Variants in NRBP1 observed in about 807,000 individuals in gnomAD.
The protein encoded by NRBP1 is nuclear receptor-binding protein.
NRBP1 carries 10 observed loss-of-function variants against 76.0 expected under a neutral mutation model. That is an observed-to-expected ratio of 0.13 (90% confidence interval 0.08 to 0.22). The LOEUF (loss-of-function observed/expected upper bound fraction) is 0.22, where lower values mean the gene tolerates loss of function less well. Ranked by LOEUF, NRBP1 falls within the 10% of genes least tolerant of loss-of-function variation. NRBP1 has a pLI of 1.00. For synonymous variants in NRBP1, 235 were observed against 240.2 expected (o/e 0.98, Z 0.20); for missense variants, 344 against 646.0 (o/e 0.53, Z 5.07).
chr2:27,434,940 G>C (rs976361668), intron 6 of NRBP1, 178 bp downstream of exon 6: 27 of 681,188 alleles, frequency 4.0e-5, no homozygotes, highest in Non-Finnish European at 6.8e-5. Flanking sequence ...CCCTAACCAC[G>C]ACACTTATCT....
intron 7 of NRBP1, chr2:27,435,874 T>C (rs1664287754): frequency 2.9e-6 from 2 of 698,770 alleles, no homozygotes; most frequent in Non-Finnish European, 5.3e-6. Context: ...TTATGCCTGC[T>C]TAGCTTCTGC....
At chr2:27,434,977 C>T (rs533780400) in intron 6 of NRBP1, 156 bp from the exon 7 acceptor site, 2 of 659,694 alleles carry the variant, frequency 3.0e-6, no homozygotes, top group South Asian at 3.7e-5. Flanking sequence ...AGTGCTTATC[C>T]AGCTATTTAA....
chr2:27,436,929 G>C (rs1394713304), intron 8 of NRBP1, 93 bp downstream of exon 8: 1 of 1,450,494 alleles, frequency 6.9e-7, no homozygotes, highest in African/African-American at 1.4e-5. Flanking sequence ...GAAACTTCTA[G>C]GCCTTCTCTA....
chr2:27,431,353 ACT>A (rs1664108931), intron 1 of NRBP1, among the ~76,000 whole-genome samples: 1 of 152,156 alleles, frequency 6.6e-6, no homozygotes, highest in African/African-American at 2.4e-5. Flanking sequence ...GAGAATGGAA[ACT>A]TCAGAGCCTT....
intron 1 of NRBP1, among the ~76,000 whole-genome samples, chr2:27,431,390 C>T (rs1401305527): frequency 1.3e-5 from 2 of 152,172 alleles, no homozygotes; most frequent in African/African-American, 4.8e-5. Flanking sequence ...GAAATGAAAG[C>T]TGGAAGCTTA....
chr2:27,433,450 G>A lies in NRBP1; in HGVS notation c.177G>A (p.Ser59=), dbSNP rs201636816. ...SEDESEILEE[S]PCGRWQKRRE... ...ATGAGTCTGAGATTTTGGAAGAGTC[G>A]CCCTGTGGGCGCTGGCAGAAGAGGC... Residue 59 remains serine, a synonymous_variant, in exon 2 of 18, where the codon TCG becomes TCA. Coordinates refer to ENST00000379852, the MANE Select transcript of NRBP1 (RefSeq NM_013392.4). 6.2e-5 allele frequency: 100 copies of A among 1,614,240 alleles called. No homozygotes were observed. Among genetic ancestry groups the A allele is most frequent in the Admixed American group, 5.2e-4 (31 of 60,030 alleles).
rs746590442 is a variant in NRBP1, at chr2:27,435,157, C to A, written c.591C>A (p.Pro197=). 2.5e-6 allele frequency: 4 copies of A among 1,614,084 alleles called. No homozygotes were observed. The highest frequency in any genetic ancestry group is 1.7e-4 in the Middle Eastern group (1 of 6,060). The change falls in exon 7 of 18, where the codon CCC becomes CCA. Residue 197 remains proline (P), a synonymous_variant. Coordinates refer to ENST00000379852, the MANE Select transcript of NRBP1 (RefSeq NM_013392.4). ...GCTACCTGCACTCCTGTGACCCCCC[C>A]ATCATCCATGGGAACCTGACCTGTG... ...ALSYLHSCDP[P]IIHGNLTCDT... is the part of the protein sequence containing the mutation.
chr2:27,437,288 T>C lies in NRBP1; in HGVS notation c.831T>C (p.Asn277=), dbSNP rs538436921. ...TGGCAGTGCTGGAGATTCAGGGCAATGGAGAGTCCTCATATGTGCCACAGG... is the reference window on the plus strand; with the variant it reads ...TGGCAGTGCTGGAGATTCAGGGCAACGGAGAGTCCTCATATGTGCCACAGG... ...LEMAVLEIQG[N]GESSYVPQEA... Residue 277 remains asparagine (N), a synonymous_variant, in exon 10 of 18, where the codon AAT becomes AAC. Transcript: ENST00000379852. 2.5e-6 allele frequency: 4 copies of C among 1,613,738 alleles called. No homozygotes were observed. In the East Asian group the frequency reaches 8.9e-5, roughly 36 times the overall value.
chr2:27,437,251 C>A lies in NRBP1; in HGVS notation c.805-11C>A. 6.2e-7 allele frequency: 1 copy of A among 1,608,694 alleles called. No individual in the cohort carries two copies. The highest frequency in any genetic ancestry group is 8.5e-7 in the Non-Finnish European group (1 of 1,176,490). On this transcript the variant is annotated splice_polypyrimidine_tract_variant and intron_variant, in intron 9 of 17. Transcript: ENST00000379852. ...GGTGTCTACTTTTTTTTTTATTCTT[C>A]CTCACTGAAGATGGCAGTGCTGGAG...
Position 27,434,060 on chromosome 2 carries a change from T to C in NRBP1, c.405T>C (p.Tyr135=), listed in dbSNP as rs754661331. The change falls in exon 4 of 18, where the codon TAT becomes TAC. Residue 135 remains tyrosine (Y), a synonymous_variant. Transcript: ENST00000379852. ...EHLNIVKFHK[Y]WADIKENKAR... The stretch of plus-strand genomic sequence containing the variant: ...TTAACATTGTTAAGTTTCACAAATA[T>C]TGGGCTGACATTAAAGAGAACAAGG... The C allele has an allele frequency of 1.2e-5, 20 of 1,614,018 alleles. No individual in the cohort carries two copies. The highest frequency in any genetic ancestry group is 3.3e-4 in the Middle Eastern group (2 of 6,080).
At position 27,435,627 on chromosome 2, in the gene NRBP1, TTGTG is replaced by T. The variant is rs555633501; in HGVS notation, c.661+404_661+407del. 118 of 716,756 alleles carry T rather than the reference TTGTG, an allele frequency of 1.6e-4. No individual in the cohort carries two copies. The African/African-American group carries it at 1.9e-3, about 12-fold the overall frequency. 44.4% of individuals were successfully genotyped at this position (716,756 alleles called of 1,614,324 possible). A position where few individuals can be genotyped will look rare whatever the true frequency, so the allele number is the denominator to read the frequency against. On this transcript the variant is annotated intron_variant, in intron 7 of 17. Transcript: ENST00000379852. The stretch of plus-strand genomic sequence containing the variant: ...TCTGTGTGCTGTGTCTGTGTGGTAT[TTGTG>T]TGTCCATTTGTCTGGGGCTTGGCTG...
chr2:27,438,068 T>G (rs1303464200), intron 10 of NRBP1, among the ~76,000 whole-genome samples: 1 of 151,212 alleles, frequency 6.6e-6, no homozygotes, highest in Non-Finnish European at 1.5e-5. Flanking sequence ...GTGCCTGTAG[T>G]CTCACCTACT....
chr2:27,435,063 C>T (rs1443552220), intron 6 of NRBP1, 70 bp from the exon 7 acceptor site: 1 of 907,344 alleles, frequency 1.1e-6, no homozygotes, highest in South Asian at 1.4e-5. Flanking sequence ...GCCCTTGCTC[C>T]TCTTAACCCT....
intron 6 of NRBP1, 105 bp downstream of exon 6, chr2:27,434,867 C>T (rs1167920656): frequency 8.3e-7 from 1 of 1,207,284 alleles, no homozygotes; most frequent in South Asian, 1.2e-5. Flanking sequence ...TCCCCACTTT[C>T]TTTGAATCAT....
chr2:27,430,461 C>A (rs1260860092), intron 1 of NRBP1, among the ~76,000 whole-genome samples: 20 of 115,836 alleles, frequency 1.7e-4, no homozygotes, highest in African/African-American at 6.6e-4. Context: ...TCTTTTCTTT[C>A]TTTTTTTCTT....
Position 27,441,946 on chromosome 2 carries a change from G to T in NRBP1, c.*134G>T, listed in dbSNP as rs796661055. 11 of 647,128 alleles carry T rather than the reference G, an allele frequency of 1.7e-5. No individual in the cohort carries two copies. Among genetic ancestry groups the T allele is most frequent in the East Asian group, 5.1e-5 (2 of 38,998 alleles). 40.1% of individuals were successfully genotyped at this position (647,128 alleles called of 1,614,324 possible). The stretch of plus-strand genomic sequence containing the variant: ...CTTTATTATTCAGGAGGGCTGGGGG[G>T]GCTCCCTGGTTCTGAGCATCATCCT... On this transcript the variant is annotated 3_prime_UTR_variant, in exon 18 of 18. Coordinates refer to ENST00000379852, the MANE Select transcript of NRBP1 (RefSeq NM_013392.4).
upstream of NRBP1, chr2:27,428,539 G>A (rs544203355): frequency 5.1e-6 from 2 of 395,406 alleles, no homozygotes; most frequent in African/African-American, 2.1e-5. Context: ...GCCGGGCCCC[G>A]CCCACCCAGA....
chr2:27,434,895 G>T (rs1664246781), intron 6 of NRBP1, 133 bp downstream of exon 6: 5 of 952,524 alleles, frequency 5.2e-6, no homozygotes, highest in Admixed American at 1.9e-5. Context: ...CAAGATTAGG[G>T]CCCCTACGGG....
At chr2:27,436,075 T>C in intron 7 of NRBP1, 1 of 461,324 alleles carries the variant, frequency 2.2e-6, no homozygotes, top group Non-Finnish European at 4.0e-6. Context: ...AAATTGGGCC[T>C]GGTCCTGGTT....
Sources: gnomAD v4.1 joint callset for allele counts (sites outside exome capture counted in the v4.1 genomes callset) on GRCh38, gnomAD v4.1.1 for gene constraint, MANE v1.5 for transcripts, NCBI Gene and HGNC (gene_info 2026-07-23, HGNC 2026-07-21) for gene names.